The following NCAPG2 variants were observed in gnomAD, a reference collection of about 807,000 sequenced individuals.
The protein encoded by NCAPG2 is non-SMC condensin II complex subunit G2.
In NCAPG2, 53 loss-of-function variants were observed where a neutral mutation model predicts 141.1. The ratio of observed to expected loss-of-function variants is 0.38; its 90% CI spans 0.30 to 0.47. The LOEUF (loss-of-function observed/expected upper bound fraction) is 0.47, where lower values mean the gene tolerates loss of function less well. Among genes scored for constraint, NCAPG2 ranks in the 20% least tolerant of loss-of-function variants. The pLI, the probability that NCAPG2 is intolerant of heterozygous loss-of-function variation, is 0.99. For missense variants in NCAPG2, 1,087 were observed against 1,389.0 expected (o/e 0.78, Z 3.46); for synonymous variants, 499 against 490.7 (o/e 1.02, Z -0.22).
chr7:158,655,280 A>T (rs1478196164), intron 20 of NCAPG2, 22 bp from the exon 21 acceptor site: 1 of 1,613,672 alleles, frequency 6.2e-7, no homozygotes, highest in Non-Finnish European at 8.5e-7. Context: ...CAAGAAGATA[A>T]ATCAGTAACA....
chr7:158,696,967 G>C (rs1268346395), intron 2 of NCAPG2, among the ~76,000 whole-genome samples: 3 of 152,252 alleles, frequency 2.0e-5, no homozygotes, highest in East Asian at 3.8e-4. Flanking sequence ...ACCTAGTGAT[G>C]TCATGGCTGT....
chr7:158,702,975 G>C (rs1835903448), intron 1 of NCAPG2, among the ~76,000 whole-genome samples: 1 of 152,172 alleles, frequency 6.6e-6, no homozygotes, highest in Non-Finnish European at 1.5e-5. Context: ...TATTTTTACT[G>C]TGCTTTTTCT....
At chr7:158,651,961 C>T (rs1831525810) in intron 23 of NCAPG2, among the ~76,000 whole-genome samples, 1 of 152,240 alleles carries the variant, frequency 6.6e-6, no homozygotes, top group Admixed American at 6.5e-5. Flanking sequence ...CCAGAGCAAT[C>T]AGTCCTCTGC....
chr7:158,647,377 C>T (rs1240170771), intron 24 of NCAPG2, among the ~76,000 whole-genome samples: 1 of 152,212 alleles, frequency 6.6e-6, no homozygotes, highest in Non-Finnish European at 1.5e-5. Flanking sequence ...TGTTCCTACA[C>T]ATCACAGTGC....
Position 158,652,407 on chromosome 7 carries a change from T to C in NCAPG2, c.2820A>G (p.Lys940=). The C allele has an allele frequency of 6.2e-7, 1 of 1,613,684 alleles. No homozygotes were observed. The highest frequency in any genetic ancestry group is 8.5e-7 in the Non-Finnish European group (1 of 1,179,788). Residue 940 remains lysine (K), a synonymous_variant, in exon 23 of 28, where the codon AAA becomes AAG. Transcript: ENST00000356309. ...KEITGSSLIQ[K]TDSDEEVAML... ...TTGCAACTTCTTCATCTGAATCTGT[T>C]TTCTGAATCAAGGAACTTCCAGTTA...
At chr7:158,666,977 G>A (rs1023486659) in intron 13 of NCAPG2, among the ~76,000 whole-genome samples, 1 of 152,106 alleles carries the variant, frequency 6.6e-6, no homozygotes, top group Non-Finnish European at 1.5e-5. Context: ...CGCCAGGCCC[G>A]GCAGCCTGGC....
At chr7:158,642,119 G>T (rs1214449393) in intron 27 of NCAPG2, among the ~76,000 whole-genome samples, 1 of 152,204 alleles carries the variant, frequency 6.6e-6, no homozygotes, top group East Asian at 1.9e-4. Flanking sequence ...AACACTTGGA[G>T]ATTAAACAAC....
At chr7:158,681,174 AATGGTTCTAAG>A (rs1340916234) in intron 9 of NCAPG2, among the ~76,000 whole-genome samples, 7 of 152,206 alleles carry the variant, frequency 4.6e-5, no homozygotes, top group Non-Finnish European at 7.4e-5. Flanking sequence ...GAGATTCCTG[AATGGTTCTAAG>A]AGCTCACGCT....
Position 158,656,676 on chromosome 7 carries a change from C to T in NCAPG2, c.2090G>A (p.Arg697Gln), listed in dbSNP as rs780591786. 18 of 1,614,058 alleles carry T rather than the reference C, an allele frequency of 1.1e-5. No homozygotes were observed. Among genetic ancestry groups the T allele is most frequent in the South Asian group, 9.9e-5 (9 of 91,064 alleles). ...GCTCTTGTCCACAGCGCCCTCCTCC[C>T]GGCTTCTCAGCGTGGAAATCACACC... ...SCGVISTLRS[R>Q]EEGAVDKSYC... is the part of the protein sequence containing the mutation. Residue 697 changes from arginine (R) to glutamine (Q), a missense_variant, in exon 18 of 28, where the codon CGG (arginine) becomes CAG (glutamine). Coordinates refer to ENST00000356309, the MANE Select transcript of NCAPG2 (RefSeq NM_017760.7).
chr7:158,669,392 G>C (rs2129463657), intron 13 of NCAPG2, among the ~76,000 whole-genome samples: 1 of 152,272 alleles, frequency 6.6e-6, no homozygotes, highest in Non-Finnish European at 1.5e-5. Flanking sequence ...CACCAACAGT[G>C]TAAAAGCACA....
intron 9 of NCAPG2, among the ~76,000 whole-genome samples, chr7:158,682,266 A>T (rs1834494678): frequency 6.6e-6 from 1 of 151,950 alleles, no homozygotes; most frequent in Admixed American, 6.6e-5. Context: ...ACTAAATAAA[A>T]TTTGAAACAC....
At chr7:158,693,186 C>T in intron 3 of NCAPG2, 123 bp downstream of exon 3, 1 of 1,109,272 alleles carries the variant, frequency 9.0e-7, no homozygotes, top group Non-Finnish European at 1.3e-6. Context: ...GACTAAACTT[C>T]TAAAATTCTT....
At chr7:158,660,893 T>C (rs1832443744) in intron 16 of NCAPG2, among the ~76,000 whole-genome samples, 2 of 152,162 alleles carry the variant, frequency 1.3e-5, no homozygotes, top group Non-Finnish European at 2.9e-5. Flanking sequence ...TCACGAGATC[T>C]GATGGTTCTC....
At chr7:158,664,488 G>A (rs752812523) in intron 14 of NCAPG2, 40 bp downstream of exon 14, 6 of 1,591,158 alleles carry the variant, frequency 3.8e-6, no homozygotes, top group South Asian at 2.2e-5. Context: ...GCTTTTGGGG[G>A]AAAACATAAC....
chr7:158,655,159 A>T lies in NCAPG2; in HGVS notation c.2605T>A (p.Tyr869Asn), dbSNP rs1188629278. Reference sequence around the variant, plus strand: ...TAAATGACCCTATGAAGCTTCAGGTAGTCTTCTTCTTGATCTTGAATAAAA... The same window carrying T: ...TAAATGACCCTATGAAGCTTCAGGTTGTCTTCTTCTTGATCTTGAATAAAA... Reference protein sequence around the residue: ...LSFIQDQEEDYLKLHRVIYQQ... With the variant: ...LSFIQDQEEDNLKLHRVIYQQ... The change falls in exon 21 of 28, where the codon TAC becomes AAC. Residue 869 changes from tyrosine to asparagine, a missense_variant. By Grantham distance (143) the Tyr-to-Asn change is moderately radical (BLOSUM62 -2). Transcript: ENST00000356309. 3 of 1,614,092 alleles carry T rather than the reference A, an allele frequency of 1.9e-6. No homozygotes were observed. The highest frequency in any genetic ancestry group is 1.7e-5 in the Admixed American group (1 of 60,006).
At chr7:158,662,877 C>A (rs1832624707) in intron 15 of NCAPG2, among the ~76,000 whole-genome samples, 1 of 152,210 alleles carries the variant, frequency 6.6e-6, no homozygotes, top group African/African-American at 2.4e-5. Flanking sequence ...GCAGGCAGAA[C>A]ACAGCCTGAG....
intron 8 of NCAPG2, among the ~76,000 whole-genome samples, chr7:158,685,321 C>T (rs533036552): frequency 9.9e-5 from 15 of 152,240 alleles, no homozygotes; most frequent in Non-Finnish European, 1.9e-4. Context: ...AGTCCCTGAA[C>T]GGCACTATCC....
intron 27 of NCAPG2, among the ~76,000 whole-genome samples, chr7:158,643,088 A>C (rs1830755660): frequency 6.6e-6 from 1 of 152,054 alleles, no homozygotes; most frequent in Admixed American, 6.6e-5. Context: ...TCAGCCTCCC[A>C]AGTAGCTGGA....
chr7:158,682,405 G>A (rs1216199955), intron 9 of NCAPG2, among the ~76,000 whole-genome samples: 2 of 152,042 alleles, frequency 1.3e-5, no homozygotes, highest in Non-Finnish European at 2.9e-5. Context: ...ATGCAATCAC[G>A]ATTTTTAAAT....
Sources: allele counts gnomAD v4.1 joint callset (sites outside exome capture counted in the v4.1 genomes callset), GRCh38; gene constraint gnomAD v4.1.1; transcripts MANE v1.5; gene names NCBI Gene and HGNC (gene_info 2026-07-23, HGNC 2026-07-21).